Variants in AKAP13 observed in about 807,000 individuals in gnomAD.
The protein encoded by AKAP13 is A-kinase anchor protein 13.
Under a neutral mutation model 264.5 loss-of-function variants are expected in AKAP13, and 80 were observed. The observed-to-expected ratio is 0.30, with a 90% CI of 0.25 to 0.36. The LOEUF (loss-of-function observed/expected upper bound fraction) is 0.36. AKAP13 is among the 10% of genes least tolerant of loss of function. AKAP13 has a pLI of 1.00. For missense variants in AKAP13, 3,712 were observed against 3,435.2 expected, an observed-to-expected ratio of 1.08 and a Z score of -2.01; for synonymous variants, 1,380 against 1,250.2, an observed-to-expected ratio of 1.10 and a Z score of -2.19.
chr15:85,674,252 G>C (rs112374426), intron 14 of AKAP13, among the ~76,000 whole-genome samples: 1 of 152,094 alleles, frequency 6.6e-6, no homozygotes, highest in Non-Finnish European at 1.5e-5. Context: ...AATCTGAAAC[G>C]TTCGAGCACC....
At chr15:85,691,967 A>C (rs746029387) in intron 16 of AKAP13, 9 of 448,988 alleles carry the variant, frequency 2.0e-5, no homozygotes, top group Non-Finnish European at 3.6e-5. Context: ...GGAGTGAGCT[A>C]CTAAGCCTTG....
At chr15:85,730,293 T>C (rs1472879570) in intron 29 of AKAP13, among the ~76,000 whole-genome samples, 1 of 152,156 alleles carries the variant, frequency 6.6e-6, no homozygotes, top group Non-Finnish European at 1.5e-5. Context: ...TGTCACAATT[T>C]CCATGGTTTG....
intron 1 of AKAP13, among the ~76,000 whole-genome samples, chr15:85,452,732 T>C (rs2074136413): frequency 6.6e-6 from 1 of 152,174 alleles, no homozygotes; most frequent in African/African-American, 2.4e-5. Context: ...TTCAGTTGTG[T>C]GGCTCCCCTA....
Position 85,599,914 on chromosome 15 carries a change from TTGC to T in AKAP13, c.4161+14094_4161+14096del, listed in dbSNP as rs1385348647. On this transcript the variant is annotated intron_variant, in intron 8 of 36. Coordinates refer to ENST00000394518, the MANE Select transcript of AKAP13 (RefSeq NM_007200.5). ...AAATAATATTATTTCTGAATTAGTC[TTGC>T]TGTTTTTTAAAACTTGGAGTCACCC... Among the ~76,000 whole-genome samples the T allele has an allele frequency of 2.0e-5, 3 of 152,156 alleles. No individual in the cohort carries two copies. In the East Asian group the frequency reaches 5.8e-4, roughly 29 times the overall value.
At chr15:85,682,101 A>G (rs1413876600) in intron 14 of AKAP13, 57 bp from the exon 15 acceptor site, 7 of 1,481,116 alleles carry the variant, frequency 4.7e-6, no homozygotes, top group Non-Finnish European at 6.6e-6. Context: ...TAAATATTCT[A>G]CCCGGCATCA....
chr15:85,612,404 TA>T (rs2080680118), intron 8 of AKAP13, among the ~76,000 whole-genome samples: 1 of 152,372 alleles, frequency 6.6e-6, no homozygotes, highest in Non-Finnish European at 1.5e-5. Flanking sequence ...AGATTTTTTT[TA>T]CTGGTGGTTT....
chr15:85,387,170 AC>A (rs1198229772), intron 1 of AKAP13, among the ~76,000 whole-genome samples: 5 of 152,060 alleles, frequency 3.3e-5, no homozygotes, highest in Admixed American at 2.6e-4. Context: ...CCCCGTCTCT[AC>A]TAAAAAATAC....
chr15:85,419,828 A>G (rs1390903450), intron 1 of AKAP13, among the ~76,000 whole-genome samples: 2 of 151,284 alleles, frequency 1.3e-5, no homozygotes, highest in Admixed American at 1.3e-4. Flanking sequence ...TGTGTACCTC[A>G]TTTTCTCTGT....
intron 10 of AKAP13, among the ~76,000 whole-genome samples, chr15:85,646,247 G>A (rs576087241): frequency 6.6e-6 from 1 of 152,260 alleles, no homozygotes; most frequent in South Asian, 2.1e-4. Flanking sequence ...GGCTGAGGTG[G>A]GCGGACCCCT....
intron 2 of AKAP13, among the ~76,000 whole-genome samples, chr15:85,494,772 A>G (rs1207490217): frequency 1.3e-5 from 2 of 152,228 alleles, no homozygotes; most frequent in African/African-American, 4.8e-5. Flanking sequence ...TCTGGTGTAC[A>G]GGAGGCAGGT....
At chr15:85,646,267 G>A (rs1482691881) in intron 10 of AKAP13, among the ~76,000 whole-genome samples, 1 of 152,156 alleles carries the variant, frequency 6.6e-6, no homozygotes, top group African/African-American at 2.4e-5. Context: ...TTGAGGTCAG[G>A]AGTTCGAGAC....
intron 8 of AKAP13, among the ~76,000 whole-genome samples, chr15:85,616,209 C>T (rs1356785889): frequency 6.6e-6 from 1 of 152,176 alleles, no homozygotes; most frequent in Non-Finnish European, 1.5e-5. Context: ...AGGTGGTGTC[C>T]TAATTCAGAA....
intron 8 of AKAP13, among the ~76,000 whole-genome samples, chr15:85,595,139 G>T (rs1286445253): frequency 6.6e-6 from 1 of 151,904 alleles, no homozygotes; most frequent in Non-Finnish European, 1.5e-5. Flanking sequence ...TCACTTTGTT[G>T]CCCAGGTTGG....
intron 8 of AKAP13, among the ~76,000 whole-genome samples, chr15:85,614,856 A>G (rs1477899900): frequency 4.6e-5 from 7 of 152,240 alleles, no homozygotes; most frequent in Non-Finnish European, 8.8e-5. Context: ...AATCAATGAA[A>G]TTGTACCTGT....
intron 17 of AKAP13, among the ~76,000 whole-genome samples, chr15:85,703,100 C>T (rs2086025484): frequency 6.6e-6 from 1 of 152,178 alleles, no homozygotes; most frequent in Admixed American, 6.5e-5. Context: ...AGTAAACCAG[C>T]TGCAATCTAA....
At chr15:85,439,974 A>AAATAAT (rs562499747) in intron 1 of AKAP13, among the ~76,000 whole-genome samples, 91 of 143,516 alleles carry the variant, frequency 6.3e-4, no homozygotes, top group Non-Finnish European at 1.2e-3. Context: ...GTATAATAAA[A>AAATAAT]AATAATAATA....
Position 85,718,152 on chromosome 15 carries a change from A to G in AKAP13, c.5994A>G (p.Val1998=). The change falls in exon 22 of 37, where the codon GTA becomes GTG. Residue 1998 remains valine, a synonymous_variant. Transcript: ENST00000394518. This position sits in a 1 kb window ranked among gnomAD's most constrained non-coding sequence, Gnocchi z 4.9. ...AAGATGTGGTCAAACGGCAAGAAGT[A>G]ATATATGGTGAGAGTCTTCATTTTG... ...QKKDVVKRQE[V]IYELMQTEFH... 1 of 1,614,136 alleles carries G rather than the reference A, an allele frequency of 6.2e-7. No individual in the cohort carries two copies. Among genetic ancestry groups the G allele is most frequent in the Non-Finnish European group, 8.5e-7 (1 of 1,179,986 alleles).
At chr15:85,494,820 G>A (rs1596332906) in intron 2 of AKAP13, among the ~76,000 whole-genome samples, 2 of 152,072 alleles carry the variant, frequency 1.3e-5, no homozygotes, top group African/African-American at 4.8e-5. Flanking sequence ...AAGTACATGC[G>A]CAGAGAAGTT....
intron 14 of AKAP13, among the ~76,000 whole-genome samples, chr15:85,675,973 G>A (rs147454778): frequency 0.011 from 1,685 of 152,014 alleles, 31 homozygotes; most frequent in African/African-American, 0.037. Context: ...ATGTAGTGGC[G>A]CTATCTCGGC....
Sources: allele counts gnomAD v4.1 joint callset (sites outside exome capture counted in the v4.1 genomes callset), GRCh38; gene constraint gnomAD v4.1.1; non-coding constraint Gnocchi (gnomAD v3.1); transcripts MANE v1.5; gene names NCBI Gene and HGNC (gene_info 2026-07-23, HGNC 2026-07-21).